Variants in PAFAH2 observed in about 807,000 individuals in gnomAD.
PAFAH2 encodes the protein platelet-activating factor acetylhydrolase 2, cytoplasmic.
In PAFAH2, 42 loss-of-function variants were observed where a neutral mutation model predicts 49.0. The ratio of observed to expected loss-of-function variants is 0.86; its 90% CI spans 0.67 to 1.11. The LOEUF (loss-of-function observed/expected upper bound fraction) is 1.11. Among genes scored for constraint, PAFAH2 ranks in the 50% least tolerant of loss-of-function variants. The probability of loss-of-function intolerance (pLI) is 0.00; values close to 1 mark genes in which losing one functional copy is unlikely to be tolerated. For missense variants in PAFAH2, 503 were observed against 501.8 expected (o/e 1.00, Z -0.02); for synonymous variants, 184 against 181.3 (o/e 1.01, Z -0.12).
chr1:25,981,792 G>A (rs1557523533), intron 7 of PAFAH2, among the ~76,000 whole-genome samples: 1 of 152,090 alleles, frequency 6.6e-6, no homozygotes, highest in Admixed American at 6.6e-5. Context: ...AGGCCGAGGC[G>A]GGCGGATCAC....
intron 4 of PAFAH2, among the ~76,000 whole-genome samples, chr1:25,987,288 A>G (rs1306565616): frequency 1.4e-5 from 2 of 148,054 alleles, no homozygotes; most frequent in Non-Finnish European, 3.0e-5. Flanking sequence ...AAAATAAAAT[A>G]AAATAAAAAG....
At chr1:25,976,986 A>G (rs2124338785) in intron 7 of PAFAH2, among the ~76,000 whole-genome samples, 1 of 150,362 alleles carries the variant, frequency 6.7e-6, no homozygotes, top group African/African-American at 2.5e-5. Flanking sequence ...GTAGGCAGGA[A>G]TTGTGAGAAT....
At chr1:25,973,204 A>C (rs2049536542) in intron 9 of PAFAH2, among the ~76,000 whole-genome samples, 1 of 152,210 alleles carries the variant, frequency 6.6e-6, no homozygotes, top group Admixed American at 6.5e-5. Context: ...ACAATCAGAA[A>C]AGTAAGAGTG....
chr1:25,973,199 C>A (rs1015512764), intron 9 of PAFAH2, among the ~76,000 whole-genome samples: 1 of 152,172 alleles, frequency 6.6e-6, no homozygotes, highest in Non-Finnish European at 1.5e-5. Context: ...TTTAAACAAT[C>A]AGAAAAGTAA....
intron 4 of PAFAH2, 69 bp from the exon 5 acceptor site, chr1:25,984,597 AAT>A: frequency 8.1e-7 from 1 of 1,230,906 alleles, no homozygotes; most frequent in South Asian, 1.2e-5. Context: ...TCATTCCAAC[AAT>A]GCTCTGCTAG....
intron 4 of PAFAH2, among the ~76,000 whole-genome samples, chr1:25,987,716 A>G (rs1395767779): frequency 1.3e-4 from 2 of 14,910 alleles, no homozygotes; most frequent in African/African-American, 1.7e-4. Flanking sequence ...CTCGTCCCTG[A>G]AAAAAAAAAA....
At chr1:25,973,814 T>C (rs777073360) in intron 9 of PAFAH2, among the ~76,000 whole-genome samples, 5 of 152,208 alleles carry the variant, frequency 3.3e-5, no homozygotes, top group Non-Finnish European at 7.3e-5. Flanking sequence ...CTGGATCCTG[T>C]GTGCCGCTGG....
At chr1:25,986,085 G>C (rs1388759711) in intron 4 of PAFAH2, among the ~76,000 whole-genome samples, 1 of 152,226 alleles carries the variant, frequency 6.6e-6, no homozygotes, top group African/African-American at 2.4e-5. Flanking sequence ...TAGTGAAGAA[G>C]ACAGGCATTA....
At chr1:25,990,964 C>T (rs1043205666) in intron 1 of PAFAH2, 101 bp from the exon 2 acceptor site, 9 of 601,686 alleles carry the variant, frequency 1.5e-5, no homozygotes, top group African/African-American at 1.1e-4. Context: ...CTCCTTAGCA[C>T]CTCATCCTCC....
rs1240084633 is a variant in PAFAH2, at chr1:25,960,042, G to A, written c.*1947C>T. On this transcript the variant is annotated 3_prime_UTR_variant, in exon 11 of 11. Transcript: ENST00000374282. ...CGCAGACCCTCATTTTAGAAACGCA[G>A]GAGCTGAGATAAGAAAGAGAATACC... The A allele has an allele frequency of 1.3e-5, 2 of 152,224 alleles. No individual in the cohort carries two copies. The highest frequency in any genetic ancestry group is 2.9e-5 in the Non-Finnish European group (2 of 68,054). The allele number at this position is 152,224 out of a possible 1,614,324, so 9.4% of individuals were successfully genotyped here.
At chr1:25,997,624 T>A (rs1314559131) in intron 1 of PAFAH2, 1 of 152,182 alleles carries the variant, frequency 6.6e-6, no homozygotes, top group Non-Finnish European at 1.5e-5. Context: ...GGACCCTTCT[T>A]CCACCGCCAT....
intron 1 of PAFAH2, among the ~76,000 whole-genome samples, chr1:25,994,001 G>T (rs2049907048): frequency 6.6e-6 from 1 of 152,122 alleles, no homozygotes; most frequent in Non-Finnish European, 1.5e-5. Flanking sequence ...GGTGAGAAGA[G>T]AAAGTTGTGA....
At chr1:25,981,344 C>T (rs544696879) in intron 7 of PAFAH2, among the ~76,000 whole-genome samples, 18 of 122,754 alleles carry the variant, frequency 1.5e-4, no homozygotes, top group East Asian at 4.7e-4. Context: ...TGAATACAGC[C>T]GGAATGACTT....
At chr1:25,985,198 C>T (rs1360993966) in intron 4 of PAFAH2, among the ~76,000 whole-genome samples, 1 of 152,200 alleles carries the variant, frequency 6.6e-6, no homozygotes, top group Non-Finnish European at 1.5e-5. Context: ...CAAACTGTGT[C>T]ACCTTGGGCA....
intron 10 of PAFAH2, among the ~76,000 whole-genome samples, chr1:25,968,116 G>C (rs2049454383): frequency 6.6e-6 from 1 of 152,106 alleles, no homozygotes; most frequent in African/African-American, 2.4e-5. Flanking sequence ...AGTGAGCTGA[G>C]ATGGCAGCTA....
intron 7 of PAFAH2, among the ~76,000 whole-genome samples, chr1:25,979,358 G>A (rs2049645800): frequency 6.9e-6 from 1 of 145,000 alleles, no homozygotes; most frequent in Middle Eastern, 3.6e-3. Flanking sequence ...CTTTGTCACC[G>A]AGGCTGGAGT....
chr1:25,962,547 G>A (rs532162278), intron 10 of PAFAH2, among the ~76,000 whole-genome samples: 2 of 152,320 alleles, frequency 1.3e-5, no homozygotes, highest in South Asian at 4.1e-4. Context: ...AGAGGGCTGG[G>A]CATGGTGGCT....
intron 5 of PAFAH2, 60 bp from the exon 6 acceptor site, chr1:25,984,147 T>C (rs759645948): frequency 1.3e-6 from 2 of 1,597,652 alleles, no homozygotes; most frequent in Non-Finnish European, 1.7e-6. Context: ...ATTTTTCCCC[T>C]TTACCAAAGC....
rs1391921004 is a variant in PAFAH2 at position 25,972,666 on chromosome 1, T to C, written c.976A>G (p.Asn326Asp). 4.3e-6 allele frequency: 7 copies of C among 1,613,904 alleles called. No individual in the cohort carries two copies. The highest frequency in any genetic ancestry group is 5.9e-6 in the Non-Finnish European group (7 of 1,179,862). ...SQTDFAFVTG[N>D]LIGKFFSTET... ...GTGGAGAAGAATTTACCAATCAAGT[T>C]GCCAGTCACAAAAGCAAAGTCAGTT... Residue 326 changes from asparagine to aspartate, a missense_variant, in exon 10 of 11, where the codon AAC becomes GAC. By Grantham distance (23) the Asn-to-Asp change is conservative. Coordinates refer to ENST00000374282, the MANE Select transcript of PAFAH2 (RefSeq NM_000437.4).
Sources: gnomAD v4.1 joint callset for allele counts (sites outside exome capture counted in the v4.1 genomes callset) on GRCh38, gnomAD v4.1.1 for gene constraint, MANE v1.5 for transcripts, NCBI Gene and HGNC (gene_info 2026-07-23, HGNC 2026-07-21) for gene names.